WWC2: variants seen among roughly 807,000 people sequenced by gnomAD.
WWC2 encodes the protein protein WWC2.
Under a neutral mutation model 138.5 loss-of-function variants are expected in WWC2, and 101 were observed. The ratio of observed to expected loss-of-function variants is 0.73; its 90% CI spans 0.62 to 0.86. The LOEUF (loss-of-function observed/expected upper bound fraction) is 0.86, where lower values mean the gene tolerates loss of function less well. Among genes scored for constraint, WWC2 ranks in the 40% least tolerant of loss-of-function variants. The pLI is 0.00. For missense variants in WWC2, 1,420 were observed against 1,419.4 expected, an observed-to-expected ratio of 1.00 and a Z score of -0.01; for synonymous variants, 558 against 538.4, an observed-to-expected ratio of 1.04 and a Z score of -0.50.
intron 1 of WWC2, among the ~76,000 whole-genome samples, chr4:183,137,636 C>T (rs970513985): frequency 2.0e-5 from 3 of 152,038 alleles, no homozygotes; most frequent in African/African-American, 7.2e-5. Context: ...ATAGCTGGGA[C>T]TGTAGATGCG....
chr4:183,284,294 C>T lies in WWC2; in HGVS notation c.2952C>T (p.Ser984=). The part of the protein sequence containing the change: ...DNMAVRPKER[S]SLSSRQHPFV... ...TGGCAGTTCGCCCCAAAGAGCGCAG[C>T]AGCCTGAGCTCTAGACAGCATCCGT... is the stretch of plus-strand genomic sequence containing the variant. The change falls in exon 19 of 23, where the codon AGC becomes AGT. Residue 984 remains serine (S), a synonymous_variant. Coordinates refer to ENST00000403733, the MANE Select transcript of WWC2 (RefSeq NM_024949.6). The T allele has an allele frequency of 5.0e-6, 8 of 1,614,008 alleles. No homozygotes were observed. The highest frequency in any genetic ancestry group is 6.8e-6 in the Non-Finnish European group (8 of 1,179,890).
intron 1 of WWC2, among the ~76,000 whole-genome samples, chr4:183,190,931 T>G (rs1183013259): frequency 1.3e-5 from 2 of 152,232 alleles, no homozygotes; most frequent in South Asian, 4.1e-4. Context: ...AATTGGTGCC[T>G]GGGTAATACT....
intron 4 of WWC2, among the ~76,000 whole-genome samples, chr4:183,209,314 G>A (rs1735532404): frequency 6.6e-6 from 1 of 152,052 alleles, no homozygotes; most frequent in African/African-American, 2.4e-5. Context: ...TGCAATCTCC[G>A]CCTCCTGGGT....
intron 1 of WWC2, among the ~76,000 whole-genome samples, chr4:183,137,836 A>G (rs1022015833): frequency 6.6e-6 from 1 of 152,162 alleles, no homozygotes; most frequent in African/African-American, 2.4e-5. Context: ...TGTGTAGTAC[A>G]TGACTGTACT....
At chr4:183,173,489 G>T (rs978252019) in intron 1 of WWC2, among the ~76,000 whole-genome samples, 7 of 151,896 alleles carry the variant, frequency 4.6e-5, no homozygotes, top group African/African-American at 7.3e-5. Context: ...CATTTTAGGG[G>T]ACTAGTATTC....
Position 183,118,089 on chromosome 4 carries a change from C to T in WWC2, c.131+18467C>T, listed in dbSNP as rs534069577. ...CTGGGATTACAGGAGTGAGCCACTG[C>T]GCCTGGCCGGTTATGGATATTTTTT... On this transcript the variant is annotated intron_variant, in intron 1 of 22. Transcript: ENST00000403733. Among the ~76,000 whole-genome samples the T allele has an allele frequency of 2.6e-4, 39 of 152,308 alleles. No individual in the cohort carries two copies. In the South Asian group the frequency reaches 5.8e-3, roughly 23 times the overall value.
At chr4:183,276,614 T>G (rs190661735) in intron 16 of WWC2, among the ~76,000 whole-genome samples, 9 of 152,276 alleles carry the variant, frequency 5.9e-5, no homozygotes, top group African/African-American at 2.2e-4. Context: ...TCATATATTT[T>G]GAATCTCACA....
At position 183,240,232 on chromosome 4, in the gene WWC2, A is replaced by G. The variant is rs1351303061; in HGVS notation, c.572A>G (p.Tyr191Cys). ...ELSQMKQELL[Y>C]KEQGFETLQQ... ...TCACAGATGAAGCAGGAACTGCTCT[A>G]TAAAGAACAAGGCTTTGAAACATTG... The change falls in exon 5 of 23, where the codon TAT becomes TGT. Residue 191 changes from tyrosine (Y) to cysteine (C), a missense_variant. Tyr to Cys is a radical substitution (Grantham distance 194, BLOSUM62 -2). Coordinates refer to ENST00000403733, the MANE Select transcript of WWC2 (RefSeq NM_024949.6). The G allele has an allele frequency of 5.8e-6, 9 of 1,552,648 alleles. No homozygotes were observed. The highest frequency in any genetic ancestry group is 7.8e-6 in the Non-Finnish European group (9 of 1,147,954).
At chr4:183,134,231 G>T (rs1474527735) in intron 1 of WWC2, among the ~76,000 whole-genome samples, 1 of 150,340 alleles carries the variant, frequency 6.7e-6, no homozygotes, top group African/African-American at 2.4e-5. Flanking sequence ...CACTGACATT[G>T]TTCATCTTTT....
At chr4:183,132,596 G>GGCGCCCGCTACC (rs1363294196) in intron 1 of WWC2, among the ~76,000 whole-genome samples, 1 of 151,858 alleles carries the variant, frequency 6.6e-6, no homozygotes, top group Non-Finnish European at 1.5e-5. Context: ...TGGGACTACA[G>GGCGCCCGCTACC]GCGCCCGCTA....
At chr4:183,244,277 T>C (rs1039425926) in intron 5 of WWC2, among the ~76,000 whole-genome samples, 1 of 152,138 alleles carries the variant, frequency 6.6e-6, no homozygotes. Context: ...AGAGTGATCA[T>C]GAAGAGTACA....
chr4:183,301,287 C>G (rs548462088), intron 21 of WWC2, among the ~76,000 whole-genome samples: 1 of 152,278 alleles, frequency 6.6e-6, no homozygotes, highest in East Asian at 1.9e-4. Context: ...ACTAAAATAT[C>G]ACATTTGTCA....
chr4:183,282,776 A>C lies in WWC2; in HGVS notation c.2753A>C (p.Glu918Ala). 6.3e-7 allele frequency: 1 copy of C among 1,582,286 alleles called. No homozygotes were observed. ...AEKEAEVKLP[E>A]DSSCTEDLSS... ...AAAGAGGCTGAAGTTAAATTGCCAGAGGACAGTAGCTGTACAGAAGATTTA... is the reference window on the plus strand; with the variant it reads ...AAAGAGGCTGAAGTTAAATTGCCAGCGGACAGTAGCTGTACAGAAGATTTA... Residue 918 changes from glutamate (E) to alanine (A), a missense_variant, in exon 18 of 23, where the codon GAG becomes GCG. Coordinates refer to ENST00000403733, the MANE Select transcript of WWC2 (RefSeq NM_024949.6).
rs192816799 is a variant in WWC2 at position 183,312,479 on chromosome 4, C to A, written c.3512+11C>A. 6.2e-7 allele frequency: 1 copy of A among 1,612,954 alleles called. No homozygotes were observed. Among genetic ancestry groups the A allele is most frequent in the African/African-American group, 1.3e-5 (1 of 75,024 alleles). On this transcript the variant is annotated intron_variant, in intron 22 of 22. Transcript: ENST00000403733. The stretch of plus-strand genomic sequence containing the variant: ...GGTGCAGTCCTTCAGGTGAATAGCC[C>A]CATCCAGGACAGCTTTTGGGTTGCC...
chr4:183,172,537 T>C (rs1734319781), intron 1 of WWC2, among the ~76,000 whole-genome samples: 1 of 151,658 alleles, frequency 6.6e-6, no homozygotes, highest in Non-Finnish European at 1.5e-5. Context: ...TTGAGAGGTC[T>C]GATGCTTTTA....
intron 4 of WWC2, chr4:183,233,589 C>T (rs1361226385): frequency 6.6e-6 from 1 of 151,524 alleles, no homozygotes; most frequent in Non-Finnish European, 1.5e-5. Context: ...GTTTTATTTC[C>T]TTTTTATTAT....
chr4:183,294,522 A>G (rs955748), intron 21 of WWC2, among the ~76,000 whole-genome samples: 104,602 of 152,104 alleles, frequency 0.69, 36,655 homozygotes, highest in Non-Finnish European at 0.76. Flanking sequence ...TGTGTGATGC[A>G]TAAGTAATAG....
intron 21 of WWC2, among the ~76,000 whole-genome samples, chr4:183,306,976 A>G (rs755334261): frequency 2.6e-5 from 4 of 152,174 alleles, no homozygotes; most frequent in Non-Finnish European, 4.4e-5. Context: ...ATCAGCAGAC[A>G]TAGTTGAACT....
intron 1 of WWC2, among the ~76,000 whole-genome samples, chr4:183,182,993 GAGGT>G (rs1318294263): frequency 1.3e-5 from 2 of 152,146 alleles, no homozygotes; most frequent in African/African-American, 4.8e-5. Context: ...GACTGTGTAT[GAGGT>G]AGGCATTAGG....
Sources: gnomAD v4.1 joint callset for allele counts (sites outside exome capture counted in the v4.1 genomes callset) on GRCh38, gnomAD v4.1.1 for gene constraint, MANE v1.5 for transcripts, NCBI Gene and HGNC (gene_info 2026-07-23, HGNC 2026-07-21) for gene names.